ITCH: variants seen among roughly 807,000 people sequenced by gnomAD.
ITCH encodes E3 ubiquitin-protein ligase Itchy homolog.
In ITCH, 28 loss-of-function variants were observed where a neutral mutation model predicts 126.8. The observed-to-expected ratio is 0.22, with a 90% CI of 0.16 to 0.30. The LOEUF is 0.30. Among genes scored for constraint, ITCH ranks in the 10% least tolerant of loss-of-function variants. The pLI is 1.00. For missense variants in ITCH, 631 were observed against 1,032.4 expected, an observed-to-expected ratio of 0.61 and a Z score of 5.33; for synonymous variants, 342 against 340.0, an observed-to-expected ratio of 1.01 and a Z score of -0.06.
chr20:34,507,290 G>GTTTTT (rs372382674), intron 24 of ITCH, among the ~76,000 whole-genome samples: 2 of 70,004 alleles, frequency 2.9e-5, no homozygotes, highest in Non-Finnish European at 2.7e-5. Context: ...TTTTTTTTTT[G>GTTTTT]GTTGTTGTTG....
intron 16 of ITCH, among the ~76,000 whole-genome samples, chr20:34,475,260 G>T (rs1370627780): frequency 6.6e-6 from 1 of 152,180 alleles, no homozygotes; most frequent in Non-Finnish European, 1.5e-5. Flanking sequence ...GGTGGCGGCC[G>T]GGCAGAGGCT....
At chr20:34,399,946 TG>T (rs1178912565) in intron 3 of ITCH, among the ~76,000 whole-genome samples, 1 of 151,980 alleles carries the variant, frequency 6.6e-6, no homozygotes, top group South Asian at 2.1e-4. Flanking sequence ...ATTGTGTTTT[TG>T]TTTTTTTTTT....
At chr20:34,432,752 TCGAGA>T (rs948112706) in intron 7 of ITCH, among the ~76,000 whole-genome samples, 5 of 151,800 alleles carry the variant, frequency 3.3e-5, no homozygotes, top group African/African-American at 1.2e-4. Flanking sequence ...ATCCAGGAGT[TCGAGA>T]CCAGCCTGGG....
intron 2 of ITCH, among the ~76,000 whole-genome samples, chr20:34,385,330 T>A (rs889513991): frequency 4.0e-5 from 6 of 150,860 alleles, no homozygotes; most frequent in African/African-American, 1.5e-4. Context: ...TGCAAAGTGC[T>A]GGGATTACAG....
chr20:34,389,293 C>T (rs1187128734), intron 2 of ITCH, among the ~76,000 whole-genome samples: 3 of 152,052 alleles, frequency 2.0e-5, no homozygotes, highest in East Asian at 1.9e-4. Context: ...ACTGGGATTA[C>T]GGACGTGAGC....
At chr20:34,463,449 G>A (rs1986731000) in intron 14 of ITCH, among the ~76,000 whole-genome samples, 4 of 152,096 alleles carry the variant, frequency 2.6e-5, no homozygotes, top group Admixed American at 1.3e-4. Context: ...TTAGGGTTAG[G>A]GTTAGGATGA....
chr20:34,493,138 A>G (rs1278767272), intron 23 of ITCH, among the ~76,000 whole-genome samples: 1 of 152,240 alleles, frequency 6.6e-6, no homozygotes, highest in African/African-American at 2.4e-5. Flanking sequence ...ACAGTAAATT[A>G]TTTAAGTAAA....
At chr20:34,365,398 T>C (rs1294992462) in intron 1 of ITCH, among the ~76,000 whole-genome samples, 1 of 152,136 alleles carries the variant, frequency 6.6e-6, no homozygotes, top group Non-Finnish European at 1.5e-5. Flanking sequence ...CATTTCTACA[T>C]TCTTTAGAAA....
intron 23 of ITCH, among the ~76,000 whole-genome samples, chr20:34,494,248 G>C (rs1243443701): frequency 2.6e-5 from 4 of 152,120 alleles, no homozygotes; most frequent in Non-Finnish European, 5.9e-5. Flanking sequence ...AGAAAAGATG[G>C]AATTAGTCTG....
At chr20:34,403,858 G>C (rs2038965554) in intron 3 of ITCH, among the ~76,000 whole-genome samples, 1 of 152,150 alleles carries the variant, frequency 6.6e-6, no homozygotes, top group South Asian at 2.1e-4. Context: ...AGGAATGAAA[G>C]TACATGGCCC....
At chr20:34,455,582 C>G (rs780145653) in intron 12 of ITCH, among the ~76,000 whole-genome samples, 2 of 151,694 alleles carry the variant, frequency 1.3e-5, no homozygotes, top group African/African-American at 2.4e-5. Context: ...CCTGCCTCAG[C>G]CTCTCGAGTT....
chr20:34,377,202 G>A (rs751315523), intron 2 of ITCH, among the ~76,000 whole-genome samples: 2 of 151,916 alleles, frequency 1.3e-5, no homozygotes, highest in Non-Finnish European at 2.9e-5. Flanking sequence ...GCGAAACCTC[G>A]TGTCTACTAA....
chr20:34,399,138 A>G (rs767900051), intron 3 of ITCH, among the ~76,000 whole-genome samples: 1 of 152,200 alleles, frequency 6.6e-6, no homozygotes, highest in Non-Finnish European at 1.5e-5. Context: ...CTCACCTGTA[A>G]TCCCAGCACT....
chr20:34,477,759 TA>T lies in ITCH; in HGVS notation c.1570-12del. On this transcript the variant is annotated splice_polypyrimidine_tract_variant and intron_variant, in intron 16 of 24. Coordinates refer to ENST00000374864, the MANE Select transcript of ITCH (RefSeq NM_031483.7). The stretch of plus-strand genomic sequence containing the variant: ...GCTTTTTTCACCAATTATTTTACTT[TA>T]TTTTTTTTTAGATAATGAGCTTCAG... 4 of 1,612,248 alleles carry T rather than the reference TA, an allele frequency of 2.5e-6. No individual in the cohort carries two copies. The highest frequency in any genetic ancestry group is 2.7e-5 in the African/African-American group (2 of 74,972).
At chr20:34,476,276 C>CT (rs1988209674) in intron 16 of ITCH, 2 of 858,576 alleles carry the variant, frequency 2.3e-6, no homozygotes, top group African/African-American at 1.6e-5. Flanking sequence ...TGGACTGTCA[C>CT]TTTATCTTCT....
intron 6 of ITCH, among the ~76,000 whole-genome samples, chr20:34,416,350 A>C (rs1320008206): frequency 6.6e-6 from 1 of 152,236 alleles, no homozygotes; most frequent in East Asian, 1.9e-4. Flanking sequence ...GTAAGCTGAG[A>C]TCATGCCATT....
intron 12 of ITCH, among the ~76,000 whole-genome samples, chr20:34,452,702 G>C (rs1985410594): frequency 6.6e-6 from 1 of 152,138 alleles, no homozygotes; most frequent in African/African-American, 2.4e-5. Flanking sequence ...GGGTCTCCCT[G>C]TGTTGCCCAG....
chr20:34,431,013 G>A (rs1300998085), intron 7 of ITCH, among the ~76,000 whole-genome samples: 1 of 152,170 alleles, frequency 6.6e-6, no homozygotes, highest in Non-Finnish European at 1.5e-5. Flanking sequence ...GTGTCAAGAG[G>A]CACAGGGAGG....
At chr20:34,457,303 A>G in intron 12 of ITCH, 87 bp from the exon 13 acceptor site, 2 of 885,732 alleles carry the variant, frequency 2.3e-6, no homozygotes, top group Non-Finnish European at 3.7e-6. Flanking sequence ...AGAAATGGGC[A>G]AATTCAAATA....
Sources: allele counts gnomAD v4.1 joint callset (sites outside exome capture counted in the v4.1 genomes callset), GRCh38; gene constraint gnomAD v4.1.1; transcripts MANE v1.5; gene names NCBI Gene and HGNC (gene_info 2026-07-23, HGNC 2026-07-21).